The following PPM1L variants were observed in gnomAD, a reference collection of about 807,000 sequenced individuals.
PPM1L encodes the protein protein phosphatase, Mg2+/Mn2+ dependent 1L.
In PPM1L, 13 loss-of-function variants were observed where a neutral mutation model predicts 31.4. That is an observed-to-expected ratio of 0.41 (90% CI 0.27 to 0.66). The LOEUF (loss-of-function observed/expected upper bound fraction) is 0.66, where lower values mean the gene tolerates loss of function less well. PPM1L is among the 30% of genes least tolerant of loss of function. The pLI is 0.29. For missense variants in PPM1L, 326 were observed against 453.7 expected, an observed-to-expected ratio of 0.72 and a Z score of 2.56; for synonymous variants, 184 against 175.4, an observed-to-expected ratio of 1.05 and a Z score of -0.39.
At chr3:161,007,266 G>T (rs1717745669) in intron 2 of PPM1L, among the ~76,000 whole-genome samples, 1 of 152,240 alleles carries the variant, frequency 6.6e-6, no homozygotes, top group African/African-American at 2.4e-5. Context: ...ACATAAGTAG[G>T]TTACTATTGT....
intron 2 of PPM1L, among the ~76,000 whole-genome samples, chr3:161,038,373 A>G (rs1718808510): frequency 6.6e-6 from 1 of 152,116 alleles, no homozygotes; most frequent in South Asian, 2.1e-4. Flanking sequence ...GTACAGTGGC[A>G]CAATCATAGC....
At chr3:160,966,893 A>G (rs1716166635) in intron 2 of PPM1L, among the ~76,000 whole-genome samples, 1 of 152,092 alleles carries the variant, frequency 6.6e-6, no homozygotes, top group Admixed American at 6.6e-5. Context: ...AAAAGGTTCA[A>G]TAATGTTTTT....
At chr3:161,008,673 A>G (rs187181140) in intron 2 of PPM1L, among the ~76,000 whole-genome samples, 3 of 152,256 alleles carry the variant, frequency 2.0e-5, no homozygotes, top group Admixed American at 2.0e-4. Context: ...ATTGGATGTG[A>G]AGTGTAGGAA....
At chr3:160,995,928 T>C (rs1717306759) in intron 2 of PPM1L, among the ~76,000 whole-genome samples, 1 of 152,040 alleles carries the variant, frequency 6.6e-6, no homozygotes, top group Non-Finnish European at 1.5e-5. Flanking sequence ...GAAAAGAGGG[T>C]AAGATGTGAA....
chr3:160,816,336 A>T (rs1471102575), intron 1 of PPM1L, among the ~76,000 whole-genome samples: 1 of 151,882 alleles, frequency 6.6e-6, no homozygotes, highest in Non-Finnish European at 1.5e-5. Context: ...ATTTGTGAGT[A>T]TAGTGAGAAT....
intron 1 of PPM1L, among the ~76,000 whole-genome samples, chr3:160,955,830 A>G (rs1241962075): frequency 6.7e-6 from 1 of 150,078 alleles, no homozygotes; most frequent in Non-Finnish European, 1.5e-5. Context: ...TTTTTTTTGT[A>G]TTTTTAATAG....
chr3:160,840,394 G>A (rs896061455), intron 1 of PPM1L, among the ~76,000 whole-genome samples: 5 of 152,148 alleles, frequency 3.3e-5, no homozygotes, highest in African/African-American at 1.2e-4. Flanking sequence ...ATTAGTGAGA[G>A]TTCTTCAGAG....
rs147701782 is a variant in PPM1L, at chr3:161,021,477, A to C, written c.575-43926A>C. ...GAGAATGTCCTGTGTATACCTGATA[A>C]GAATGTATAATCTGTCTTTATTGGG... is the stretch of plus-strand genomic sequence containing the variant. On this transcript the variant is annotated intron_variant, in intron 2 of 3. Coordinates refer to ENST00000498165, the MANE Select transcript of PPM1L (RefSeq NM_139245.4). Among the ~76,000 whole-genome samples, 4 of 152,204 alleles carry C rather than the reference A, an allele frequency of 2.6e-5. No individual in the cohort carries two copies. In the East Asian group the frequency reaches 7.7e-4, roughly 29 times the overall value.
At chr3:160,786,207 ATTTTTTTTTTT>A (rs35386910) in intron 1 of PPM1L, among the ~76,000 whole-genome samples, 5 of 30,882 alleles carry the variant, frequency 1.6e-4, no homozygotes, top group African/African-American at 4.7e-4. Flanking sequence ...ATATATATAT[ATTTTTTTTTTT>A]TTTTTTTTTT....
At chr3:160,774,531 T>G (rs1445103380) in intron 1 of PPM1L, among the ~76,000 whole-genome samples, 2 of 152,256 alleles carry the variant, frequency 1.3e-5, no homozygotes, top group Non-Finnish European at 2.9e-5. Flanking sequence ...AACCATGATT[T>G]ATTTCTCTGA....
intron 1 of PPM1L, among the ~76,000 whole-genome samples, chr3:160,787,458 C>T (rs1711969900): frequency 6.6e-6 from 1 of 151,062 alleles, no homozygotes; most frequent in South Asian, 2.1e-4. Context: ...TGTTTTTTGC[C>T]TAATTTATTT....
chr3:161,031,465 C>T (rs973776400), intron 2 of PPM1L, among the ~76,000 whole-genome samples: 32 of 146,608 alleles, frequency 2.2e-4, no homozygotes, highest in Non-Finnish European at 3.9e-4. Context: ...CAGAATAGCT[C>T]TTCTCTGACT....
chr3:161,077,066 TG>T lies in PPM1L; in HGVS notation c.*7913del, dbSNP rs962859406. 1 of 152,218 alleles carries T rather than the reference TG, an allele frequency of 6.6e-6. No individual in the cohort carries two copies. The highest frequency in any genetic ancestry group is 2.4e-5 in the African/African-American group (1 of 41,460). The allele number at this position is 152,218 out of a possible 1,614,324, so 9.4% of individuals were successfully genotyped here. On this transcript the variant is annotated 3_prime_UTR_variant, in exon 4 of 4. Coordinates refer to ENST00000498165, the MANE Select transcript of PPM1L (RefSeq NM_139245.4). ...CACTCAGGCGCCATCACTGCCTTCT[TG>T]GGGCTTACACCCTATTGGGGTGTCA...
intron 1 of PPM1L, among the ~76,000 whole-genome samples, chr3:160,955,322 A>G (rs1715734522): frequency 6.6e-6 from 1 of 151,742 alleles, no homozygotes; most frequent in Non-Finnish European, 1.5e-5. Context: ...TCTTTTTTAA[A>G]TTATTTTTTA....
chr3:160,799,849 G>A (rs1188495840), intron 1 of PPM1L, among the ~76,000 whole-genome samples: 1 of 152,042 alleles, frequency 6.6e-6, no homozygotes, highest in African/African-American at 2.4e-5. Context: ...ACCTTACTGT[G>A]CTGGGTTTTT....
intron 1 of PPM1L, among the ~76,000 whole-genome samples, chr3:160,883,069 A>G (rs960146468): frequency 1.3e-5 from 2 of 152,238 alleles, no homozygotes; most frequent in Admixed American, 1.3e-4. Flanking sequence ...TTATGTGGGT[A>G]GCACTTAATC....
chr3:161,017,834 A>G (rs1229204672), intron 2 of PPM1L, among the ~76,000 whole-genome samples: 2 of 152,126 alleles, frequency 1.3e-5, no homozygotes, highest in Non-Finnish European at 2.9e-5. Flanking sequence ...CAGGGGAAAA[A>G]CAGAGTTTTT....
At chr3:160,788,592 A>G (rs1010052923) in intron 1 of PPM1L, among the ~76,000 whole-genome samples, 3 of 151,988 alleles carry the variant, frequency 2.0e-5, no homozygotes, top group Non-Finnish European at 4.4e-5. Flanking sequence ...ATGCCATCAC[A>G]TTTAGCAATT....
intron 2 of PPM1L, among the ~76,000 whole-genome samples, chr3:161,009,364 A>T (rs1211032885): frequency 3.9e-5 from 6 of 152,212 alleles, no homozygotes; most frequent in Admixed American, 3.9e-4. Flanking sequence ...TTACATATGA[A>T]TAGTTAAAAT....
Sources: allele counts gnomAD v4.1 joint callset (sites outside exome capture counted in the v4.1 genomes callset), GRCh38; gene constraint gnomAD v4.1.1; transcripts MANE v1.5; gene names NCBI Gene and HGNC (gene_info 2026-07-23, HGNC 2026-07-21).